Variants in FAM227B observed in about 807,000 individuals in gnomAD.
FAM227B encodes protein FAM227B.
FAM227B carries 88 observed loss-of-function variants against 73.8 expected under a neutral mutation model. The ratio of observed to expected loss-of-function variants is 1.19; its 90% CI spans 1.00 to 1.42. The LOEUF (loss-of-function observed/expected upper bound fraction) is 1.42, where lower values mean the gene tolerates loss of function less well. Among genes scored for constraint, FAM227B ranks in the 40% most tolerant of loss-of-function variants. The probability of loss-of-function intolerance (pLI) is 0.00; values close to 1 mark genes in which losing one functional copy is unlikely to be tolerated. For missense variants in FAM227B, 632 were observed against 590.9 expected, an observed-to-expected ratio of 1.07 and a Z score of -0.72; for synonymous variants, 210 against 190.5, an observed-to-expected ratio of 1.10 and a Z score of -0.84.
intron 11 of FAM227B, among the ~76,000 whole-genome samples, chr15:49,413,082 C>T (rs2048975128): frequency 6.6e-6 from 1 of 152,098 alleles, no homozygotes; most frequent in African/African-American, 2.4e-5. Flanking sequence ...CTTGACTCCT[C>T]TTTGTCTCTT....
At chr15:49,548,337 T>G (rs572589924) in intron 9 of FAM227B, among the ~76,000 whole-genome samples, 1 of 152,332 alleles carries the variant, frequency 6.6e-6, no homozygotes, top group South Asian at 2.1e-4. Context: ...GATTTGCATA[T>G]GTTGAACCAT....
intron 5 of FAM227B, among the ~76,000 whole-genome samples, chr15:49,586,574 A>G (rs573073366): frequency 3.3e-5 from 5 of 152,350 alleles, no homozygotes; most frequent in African/African-American, 1.2e-4. Flanking sequence ...CTGCATAGCA[A>G]AATAAACTAC....
intron 11 of FAM227B, chr15:49,486,267 TATACGACC>T (rs2056394076): frequency 6.6e-6 from 1 of 152,092 alleles, no homozygotes; most frequent in African/African-American, 2.4e-5. Context: ...GTGGTTGACC[TATACGACC>T]AGGATGTAGA....
intron 11 of FAM227B, among the ~76,000 whole-genome samples, chr15:49,406,509 G>C (rs552925025): frequency 1.3e-5 from 2 of 151,980 alleles, no homozygotes; most frequent in East Asian, 3.9e-4. Context: ...GGTGGGGGAG[G>C]GTCTGCTGTT....
chr15:49,365,106 G>C (rs2044896242), intron 13 of FAM227B: 1 of 682,110 alleles, frequency 1.5e-6, no homozygotes, highest in South Asian at 1.8e-5. Context: ...ACACATTATA[G>C]CAGTTCCACA....
intron 11 of FAM227B, chr15:49,489,421 AC>A: frequency 1.0e-6 from 1 of 966,090 alleles, no homozygotes; most frequent in Non-Finnish European, 1.2e-6. Context: ...AAAGGTTTGA[AC>A]CAATCTGGAC....
At chr15:49,332,031 G>T in intron 14 of FAM227B, 182 bp from the exon 15 acceptor site, 1 of 570,956 alleles carries the variant, frequency 1.8e-6, no homozygotes. Context: ...TTTTATAAAT[G>T]AGGAAACAGG....
chr15:49,541,558 G>A, intron 10 of FAM227B, 122 bp downstream of exon 10: 1 of 826,914 alleles, frequency 1.2e-6, no homozygotes, highest in Non-Finnish European at 1.7e-6. Context: ...CATGGGTACT[G>A]CTATGGCATG....
At chr15:49,565,381 CAAAA>C (rs3075974) in intron 9 of FAM227B, among the ~76,000 whole-genome samples, 2 of 90,282 alleles carry the variant, frequency 2.2e-5, no homozygotes, top group African/African-American at 4.0e-5. Context: ...GACTCCATCT[CAAAA>C]AAAAAAAAAA....
intron 11 of FAM227B, among the ~76,000 whole-genome samples, chr15:49,434,050 G>C (rs534253672): frequency 6.6e-6 from 1 of 151,540 alleles, no homozygotes; most frequent in Non-Finnish European, 1.5e-5. Context: ...GAGAGAACTG[G>C]GGAGAAGTCA....
Position 49,372,715 on chromosome 15 carries a change from G to A in FAM227B, c.1013-1316C>T, listed in dbSNP as rs138787676. Reference sequence around the variant, plus strand: ...AGGTATTAAGTGTATCTTAACATCTGAGAAAAAAGGTGATCTGAGAGGTTT... The same window carrying A: ...AGGTATTAAGTGTATCTTAACATCTAAGAAAAAAGGTGATCTGAGAGGTTT... On this transcript the variant is annotated intron_variant, in intron 11 of 15. Transcript: ENST00000299338. Among the ~76,000 whole-genome samples the A allele has an allele frequency of 5.7e-3, 863 of 152,210 alleles. 7 individuals are homozygous for A. Among genetic ancestry groups the A allele is most frequent in the African/African-American group, 0.02 (823 of 41,538 alleles).
At chr15:49,595,221 G>A (rs547170276) in intron 3 of FAM227B, among the ~76,000 whole-genome samples, 1 of 151,858 alleles carries the variant, frequency 6.6e-6, no homozygotes, top group East Asian at 1.9e-4. Context: ...TAAAAGAGGT[G>A]GAGTTCCTGA....
chr15:49,416,360 C>G (rs28729924), intron 11 of FAM227B, among the ~76,000 whole-genome samples: 1 of 151,888 alleles, frequency 6.6e-6, no homozygotes. Context: ...AGGGTTCAAG[C>G]TGATTTATGG....
intron 11 of FAM227B, among the ~76,000 whole-genome samples, chr15:49,414,485 T>C (rs1425093643): frequency 6.6e-6 from 1 of 152,074 alleles, no homozygotes; most frequent in Non-Finnish European, 1.5e-5. Context: ...ATAGAGGGCA[T>C]TGGAAACAGT....
chr15:49,566,018 A>G lies in FAM227B; in HGVS notation c.747+2227T>C, dbSNP rs556283822. On this transcript the variant is annotated intron_variant, in intron 9 of 15. Transcript: ENST00000299338. ...GCTGACACCTTGATTTTAGCCCTGT[A>G]AGACTCATTTGGGGCTCCTGGCCGC... Among the ~76,000 whole-genome samples the G allele has an allele frequency of 1.2e-4, 18 of 152,318 alleles. No individual in the cohort carries two copies. The South Asian group carries it at 3.5e-3, about 30-fold the overall frequency.
chr15:49,446,008 AT>A (rs2052170047), intron 11 of FAM227B, among the ~76,000 whole-genome samples: 1 of 151,524 alleles, frequency 6.6e-6, no homozygotes, highest in South Asian at 2.1e-4. Context: ...CCTTACTGGA[AT>A]AGACATATTT....
chr15:49,419,817 T>A (rs1169459878), intron 11 of FAM227B, among the ~76,000 whole-genome samples: 1 of 152,122 alleles, frequency 6.6e-6, no homozygotes, highest in African/African-American at 2.4e-5. Flanking sequence ...CTTCACCTGG[T>A]TAACTCCCAT....
chr15:49,612,582 T>C (rs1284883071), intron 2 of FAM227B, among the ~76,000 whole-genome samples: 1 of 152,106 alleles, frequency 6.6e-6, no homozygotes, highest in African/African-American at 2.4e-5. Flanking sequence ...CAGAAATATA[T>C]AGGTACTTGA....
intron 11 of FAM227B, among the ~76,000 whole-genome samples, chr15:49,402,395 T>C (rs1407125644): frequency 6.6e-6 from 1 of 152,210 alleles, no homozygotes; most frequent in Non-Finnish European, 1.5e-5. Flanking sequence ...ACAATATTGA[T>C]TCTGTCTATC....
Sources: gnomAD v4.1 joint callset for allele counts (sites outside exome capture counted in the v4.1 genomes callset) on GRCh38, gnomAD v4.1.1 for gene constraint, MANE v1.5 for transcripts, NCBI Gene and HGNC (gene_info 2026-07-23, HGNC 2026-07-21) for gene names.